Variants in CDH8 observed in about 807,000 individuals in gnomAD.
The protein encoded by CDH8 is cadherin-8.
In CDH8, 17 loss-of-function variants were observed where a neutral mutation model predicts 68.1. That is an observed-to-expected ratio of 0.25 (90% CI 0.17 to 0.37). The LOEUF (loss-of-function observed/expected upper bound fraction) is 0.37, where lower values mean the gene tolerates loss of function less well. Ranked by LOEUF, CDH8 falls within the 10% of genes least tolerant of loss-of-function variation. The probability of loss-of-function intolerance (pLI) is 1.00; values close to 1 mark genes in which losing one functional copy is unlikely to be tolerated. For synonymous variants in CDH8, 372 were observed against 365.1 expected, an observed-to-expected ratio of 1.02 and a Z score of -0.21; for missense variants, 763 against 999.3, an observed-to-expected ratio of 0.76 and a Z score of 3.19.
In CDH8 at chr16:62,021,374, C is replaced by G; in HGVS notation, c.30G>C (p.Leu10Phe). MPERLAEML[L>F]DLWTPLIILW... ...ATATTATTAATGGAGTCCAGAGATC[C>G]AAGAGCATTTCCGCTAGCCGTTCTG... The change falls in exon 2 of 12, where the codon TTG becomes TTC. Residue 10 changes from leucine to phenylalanine, a missense_variant. By Grantham distance (22) the Leu-to-Phe change is conservative. Around this residue, in one of 2 missense-constraint regions of CDH8, gnomAD observed 366 missense variants for 563.1 expected, o/e 0.65. Coordinates refer to ENST00000577390, the MANE Select transcript of CDH8 (RefSeq NM_001796.5). 2 of 1,611,636 alleles carry G rather than the reference C, an allele frequency of 1.2e-6. No homozygotes were observed. The highest frequency in any genetic ancestry group is 1.7e-6 in the Non-Finnish European group (2 of 1,178,170).
chr16:61,712,693 A>G (rs562553931), intron 10 of CDH8, among the ~76,000 whole-genome samples: 1 of 151,624 alleles, frequency 6.6e-6, no homozygotes, highest in Non-Finnish European at 1.5e-5. Flanking sequence ...GGAGACAGAA[A>G]GGGTTTTGTC....
intron 9 of CDH8, among the ~76,000 whole-genome samples, chr16:61,718,804 A>G (rs191049596): frequency 6.6e-6 from 1 of 151,366 alleles, no homozygotes; most frequent in East Asian, 2.0e-4. Context: ...CAAATTATCA[A>G]TGATGTCCAT....
At chr16:61,688,949 C>A (rs1457103466) in intron 10 of CDH8, among the ~76,000 whole-genome samples, 1 of 151,922 alleles carries the variant, frequency 6.6e-6, no homozygotes, top group Non-Finnish European at 1.5e-5. Flanking sequence ...ATTACCTTTA[C>A]AGAGCTTATG....
At chr16:61,921,423 T>C (rs1473776032) in intron 2 of CDH8, among the ~76,000 whole-genome samples, 9 of 152,052 alleles carry the variant, frequency 5.9e-5, no homozygotes, top group Admixed American at 2.0e-4. Flanking sequence ...TTATCCAAAA[T>C]AAATACAACT....
chr16:61,789,791 C>A (rs1319732068), intron 7 of CDH8, among the ~76,000 whole-genome samples: 1 of 152,070 alleles, frequency 6.6e-6, no homozygotes, highest in African/African-American at 2.4e-5. Context: ...ATTTATTGGA[C>A]AGCTTATGAT....
chr16:61,908,054 A>C (rs1964093641), intron 2 of CDH8, among the ~76,000 whole-genome samples: 1 of 151,996 alleles, frequency 6.6e-6, no homozygotes. Flanking sequence ...AAAAAAAAAA[A>C]AAAAAAAAAG....
chr16:61,940,417 T>TTTTTTTTTTTTTTTTTTTTTTTTTTA (rs1402382914), intron 2 of CDH8: 1 of 149,700 alleles, frequency 6.7e-6, no homozygotes, highest in African/African-American at 2.5e-5. Flanking sequence ...TTTTTTTTTT[T>TTTTTTTTTTTTTTTTTTTTTTTTTTA]GAGACGGAGC....
At chr16:61,964,678 C>T (rs1446943470) in intron 2 of CDH8, among the ~76,000 whole-genome samples, 1 of 152,032 alleles carries the variant, frequency 6.6e-6, no homozygotes, top group Non-Finnish European at 1.5e-5. Flanking sequence ...CCTCGGTCTG[C>T]CCTGAAATCG....
intron 3 of CDH8, among the ~76,000 whole-genome samples, chr16:61,866,238 AG>A (rs1963250985): frequency 6.6e-6 from 1 of 152,026 alleles, no homozygotes; most frequent in African/African-American, 2.4e-5. Flanking sequence ...AAAAAAAAAA[AG>A]AAATGTAATT....
At chr16:61,848,691 TG>T (rs1430957438) in intron 4 of CDH8, among the ~76,000 whole-genome samples, 2 of 152,056 alleles carry the variant, frequency 1.3e-5, no homozygotes, top group Non-Finnish European at 2.9e-5. Flanking sequence ...TGACATTTGT[TG>T]GGGGTATACA....
At chr16:61,655,873 C>CT (rs35413525) in intron 10 of CDH8, 152 bp from the exon 11 acceptor site, 108,745 of 521,854 alleles carry the variant, frequency 0.21, 1,726 homozygotes, top group East Asian at 0.23. Context: ...CGTCTCCGCA[C>CT]TTTTTTTTTT....
intron 10 of CDH8, among the ~76,000 whole-genome samples, chr16:61,660,962 G>A (rs1432253164): frequency 6.6e-6 from 1 of 151,820 alleles, no homozygotes; most frequent in Non-Finnish European, 1.5e-5. Context: ...ACCCCAGATG[G>A]TGACTCAAAT....
chr16:61,819,246 T>C (rs1245686343), intron 6 of CDH8, among the ~76,000 whole-genome samples: 2 of 152,104 alleles, frequency 1.3e-5, no homozygotes, highest in African/African-American at 4.8e-5. Flanking sequence ...TACAACTCCT[T>C]TGCACTGTTC....
chr16:61,921,363 C>T (rs887469913), intron 2 of CDH8, among the ~76,000 whole-genome samples: 1 of 151,136 alleles, frequency 6.6e-6, no homozygotes, highest in East Asian at 2.0e-4. Context: ...TTGAAAAAAA[C>T]AACTGAAAGC....
intron 6 of CDH8, 21 bp from the exon 7 acceptor site, chr16:61,817,753 T>A: frequency 6.5e-7 from 1 of 1,536,670 alleles, no homozygotes; most frequent in South Asian, 1.3e-5. Flanking sequence ...ATGACAAAGA[T>A]AAATGCTTCT....
chr16:61,802,417 C>T (rs1315919678), intron 7 of CDH8, among the ~76,000 whole-genome samples: 227 of 113,814 alleles, frequency 2.0e-3, no homozygotes, highest in Non-Finnish European at 2.5e-3. Flanking sequence ...GCCTCTCCTC[C>T]TCCAAAGGAA....
chr16:61,803,459 C>T (rs1210144159), intron 7 of CDH8, among the ~76,000 whole-genome samples: 1 of 146,908 alleles, frequency 6.8e-6, no homozygotes, highest in Admixed American at 6.8e-5. Context: ...CAAATTCACA[C>T]ATAACAATAT....
chr16:61,782,266 G>C (rs983913430), intron 8 of CDH8, among the ~76,000 whole-genome samples: 2 of 152,222 alleles, frequency 1.3e-5, no homozygotes, highest in Non-Finnish European at 2.9e-5. Flanking sequence ...GCGAGGCATT[G>C]CCTCACCTGG....
intron 4 of CDH8, among the ~76,000 whole-genome samples, chr16:61,831,369 T>C (rs1250037522): frequency 1.3e-5 from 2 of 151,814 alleles, no homozygotes; most frequent in Non-Finnish European, 2.9e-5. Context: ...TACCTAGCTG[T>C]GAATAGACTC....
Sources: allele counts gnomAD v4.1 joint callset (sites outside exome capture counted in the v4.1 genomes callset), GRCh38; gene constraint gnomAD v4.1.1; regional missense constraint gnomAD v4.1.1; transcripts MANE v1.5; gene names NCBI Gene and HGNC (gene_info 2026-07-23, HGNC 2026-07-21).